HHIP: variants seen among roughly 807,000 people sequenced by gnomAD.
HHIP encodes the protein hedgehog interacting protein.
In HHIP, 12 loss-of-function variants were observed where a neutral mutation model predicts 74.0. The observed-to-expected ratio is 0.16, with a 90% CI of 0.10 to 0.26. HHIP has a LOEUF of 0.26. HHIP is among the 10% of genes least tolerant of loss of function. The probability of loss-of-function intolerance (pLI) is 1.00; values close to 1 mark genes in which losing one functional copy is unlikely to be tolerated. For synonymous variants in HHIP, 309 were observed against 311.6 expected (o/e 0.99, Z 0.09); for missense variants, 788 against 845.0 (o/e 0.93, Z 0.84).
At chr4:144,684,854 C>T (rs1729445632) in intron 4 of HHIP, among the ~76,000 whole-genome samples, 3 of 152,128 alleles carry the variant, frequency 2.0e-5, no homozygotes, top group African/African-American at 7.2e-5. Flanking sequence ...TGTAGGATTT[C>T]CACCACTAAT....
At position 144,742,937 on chromosome 4, in the gene HHIP, T is replaced by A. The variant is rs1731294413; in HGVS notation, c.*4980T>A. 7.6e-6 allele frequency: 1 copy of A among 131,916 alleles called. No individual in the cohort carries two copies. The highest frequency in any genetic ancestry group is 1.6e-5 in the Non-Finnish European group (1 of 63,184). The allele number at this position is 131,916 out of a possible 1,614,324, so 8.2% of individuals were successfully genotyped here. On this transcript the variant is annotated 3_prime_UTR_variant, in exon 13 of 13. Coordinates refer to ENST00000296575, the MANE Select transcript of HHIP (RefSeq NM_022475.3). The stretch of plus-strand genomic sequence containing the variant: ...TCTTATATATATATCTTTATATATA[T>A]CTTATATATATATCTTATACATATA...
At chr4:144,681,209 T>A (rs1476143877) in intron 4 of HHIP, among the ~76,000 whole-genome samples, 1 of 152,162 alleles carries the variant, frequency 6.6e-6, no homozygotes, top group Non-Finnish European at 1.5e-5. Flanking sequence ...AATTCAGGGA[T>A]TTTCAGGTGT....
intron 2 of HHIP, among the ~76,000 whole-genome samples, chr4:144,657,770 T>A (rs1728593551): frequency 6.6e-6 from 1 of 152,236 alleles, no homozygotes; most frequent in Non-Finnish European, 1.5e-5. Context: ...GGCTTGTTGA[T>A]ATGTCAGCTT....
intron 12 of HHIP, among the ~76,000 whole-genome samples, 161 bp downstream of exon 12, chr4:144,735,050 A>G (rs1731073442): frequency 6.6e-6 from 1 of 152,236 alleles, no homozygotes; most frequent in Non-Finnish European, 1.5e-5. Context: ...GCTTGTAAGT[A>G]AAATCTTGTT....
chr4:144,672,707 T>C (rs1325420616), intron 4 of HHIP, among the ~76,000 whole-genome samples: 1 of 152,140 alleles, frequency 6.6e-6, no homozygotes, highest in Non-Finnish European at 1.5e-5. Context: ...ATTTTTATTT[T>C]ATTTATTTAT....
At chr4:144,672,348 G>C (rs1729060545) in intron 4 of HHIP, among the ~76,000 whole-genome samples, 1 of 152,140 alleles carries the variant, frequency 6.6e-6, no homozygotes, top group African/African-American at 2.4e-5. Context: ...TGAGATTTCA[G>C]GTTTCAGTTA....
chr4:144,737,746 GCT>G lies in HHIP; in HGVS notation c.1910-15_1910-14del. 6.3e-7 allele frequency: 1 copy of G among 1,579,738 alleles called. No individual in the cohort carries two copies. The highest frequency in any genetic ancestry group is 8.6e-7 in the Non-Finnish European group (1 of 1,160,274). ...TACAGAATGAGAGTGTGATGTTCTT[GCT>G]CTTTTTCTCTCCCAGCAAAATGTGA... is the stretch of plus-strand genomic sequence containing the variant. On this transcript the variant is annotated splice_polypyrimidine_tract_variant and intron_variant, in intron 12 of 12. Transcript: ENST00000296575.
intron 11 of HHIP, among the ~76,000 whole-genome samples, chr4:144,726,010 G>A (rs563290099): frequency 1.4e-3 from 208 of 151,546 alleles, no homozygotes; most frequent in Middle Eastern, 6.8e-3. Context: ...CATTCCCCTG[G>A]GCTATTTTTA....
At position 144,740,871 on chromosome 4, in the gene HHIP, A is replaced by C. The variant is rs1409053644; in HGVS notation, c.*2914A>C. ...TATTCCCTTGTCCATTCTCAAGTTTAAGCTGCGGTTGTCAGTTGAATGTGA... is the reference window on the plus strand; with the variant it reads ...TATTCCCTTGTCCATTCTCAAGTTTCAGCTGCGGTTGTCAGTTGAATGTGA... On this transcript the variant is annotated 3_prime_UTR_variant, in exon 13 of 13. Coordinates refer to ENST00000296575, the MANE Select transcript of HHIP (RefSeq NM_022475.3). 4 of 152,232 alleles carry C rather than the reference A, an allele frequency of 2.6e-5. No homozygotes were observed. The South Asian group carries it at 8.3e-4, about 32-fold the overall frequency. 9.4% of individuals were successfully genotyped at this position (152,232 alleles called of 1,614,324 possible). A position where few individuals can be genotyped will look rare whatever the true frequency, so the allele number is the denominator to read the frequency against.
At chr4:144,650,992 G>A (rs1201577617) in intron 1 of HHIP, 2 of 152,020 alleles carry the variant, frequency 1.3e-5, no homozygotes, top group Non-Finnish European at 2.9e-5. Flanking sequence ...AGCAAAAGAG[G>A]TGCCTTCAGC....
At chr4:144,656,404 A>C (rs1473072332) in intron 2 of HHIP, among the ~76,000 whole-genome samples, 1 of 152,180 alleles carries the variant, frequency 6.6e-6, no homozygotes, top group Non-Finnish European at 1.5e-5. Flanking sequence ...TATATTCATT[A>C]ATCTTTAGAT....
chr4:144,678,429 A>G (rs139990758), intron 4 of HHIP, among the ~76,000 whole-genome samples: 1 of 152,164 alleles, frequency 6.6e-6, no homozygotes, highest in Non-Finnish European at 1.5e-5. Flanking sequence ...TCTGGGATGC[A>G]TGTGCAGAAC....
intron 8 of HHIP, among the ~76,000 whole-genome samples, chr4:144,712,991 G>A (rs940722548): frequency 6.6e-6 from 1 of 151,076 alleles, no homozygotes; most frequent in East Asian, 1.9e-4. Context: ...TAGCTCGATG[G>A]AATTTTGGCT....
chr4:144,706,737 C>G, intron 5 of HHIP, 55 bp downstream of exon 5: 1 of 1,505,810 alleles, frequency 6.6e-7, no homozygotes, highest in Non-Finnish European at 9.0e-7. Context: ...TTCTCATCAT[C>G]TTTTCATAAG....
chr4:144,649,853 C>T (rs1391574529), intron 1 of HHIP, among the ~76,000 whole-genome samples: 2 of 152,174 alleles, frequency 1.3e-5, no homozygotes, highest in African/African-American at 4.8e-5. Context: ...CCTGGGGTCC[C>T]TTTAACAGCT....
At position 144,718,914 on chromosome 4, in the gene HHIP, A is replaced by G; in HGVS notation, c.1718A>G (p.Gln573Arg). 6.2e-7 allele frequency: 1 copy of G among 1,611,194 alleles called. No homozygotes were observed. Among genetic ancestry groups the G allele is most frequent in the Non-Finnish European group, 8.5e-7 (1 of 1,177,510 alleles). ...YILSSSKSMT[Q>R]THNGKLYKIV... ...TTATCAAGCAGTAAAAGTATGACCC[A>G]GACTCACAATGGAAAACTCTACAAA... The change falls in exon 11 of 13, where the codon CAG becomes CGG. Residue 573 changes from glutamine (Q) to arginine (R), a missense_variant. Transcript: ENST00000296575.
chr4:144,726,206 A>C (rs1223170100), intron 11 of HHIP, among the ~76,000 whole-genome samples: 1 of 152,102 alleles, frequency 6.6e-6, no homozygotes, highest in Non-Finnish European at 1.5e-5. Flanking sequence ...AAGCAATGGC[A>C]TTGGCTTTTT....
At chr4:144,714,158 T>C in intron 8 of HHIP, 67 bp from the exon 9 acceptor site, 1 of 1,358,246 alleles carries the variant, frequency 7.4e-7, no homozygotes, top group South Asian at 1.2e-5. Context: ...TAATTGTTGT[T>C]TGGTGTACAT....
At chr4:144,690,430 G>A (rs1438419733) in intron 4 of HHIP, among the ~76,000 whole-genome samples, 1 of 152,150 alleles carries the variant, frequency 6.6e-6, no homozygotes, top group African/African-American at 2.4e-5. Context: ...GCTAAACTCT[G>A]GAGTCAAGGA....
Sources: allele counts gnomAD v4.1 joint callset (sites outside exome capture counted in the v4.1 genomes callset), GRCh38; gene constraint gnomAD v4.1.1; transcripts MANE v1.5; gene names NCBI Gene and HGNC (gene_info 2026-07-23, HGNC 2026-07-21).